Variants in COL14A1 observed in about 807,000 individuals in gnomAD.
COL14A1 encodes the protein collagen alpha-1(XIV) chain.
COL14A1 carries 136 observed loss-of-function variants against 230.3 expected under a neutral mutation model. The ratio of observed to expected loss-of-function variants is 0.59; its 90% CI spans 0.51 to 0.68. The LOEUF (loss-of-function observed/expected upper bound fraction) is 0.68, where lower values mean the gene tolerates loss of function less well. Among genes scored for constraint, COL14A1 ranks in the 30% least tolerant of loss-of-function variants. The pLI is 0.00. For synonymous variants in COL14A1, 792 were observed against 784.1 expected (o/e 1.01, Z -0.17); for missense variants, 1,976 against 2,215.8 (o/e 0.89, Z 2.17).
intron 19 of COL14A1, among the ~76,000 whole-genome samples, chr8:120,238,404 C>A (rs193206533): frequency 5.9e-5 from 9 of 152,298 alleles, no homozygotes; most frequent in Non-Finnish European, 1.0e-4. Flanking sequence ...TTTGTTTACA[C>A]TGTGAGGGGA....
At chr8:120,272,627 G>A (rs1417624481) in intron 26 of COL14A1, among the ~76,000 whole-genome samples, 1 of 151,362 alleles carries the variant, frequency 6.6e-6, no homozygotes, top group African/African-American at 2.4e-5. Context: ...GAAACCCAAA[G>A]CAAGCAGGAG....
chr8:120,150,127 G>A (rs754995304), intron 2 of COL14A1, among the ~76,000 whole-genome samples: 4 of 152,164 alleles, frequency 2.6e-5, no homozygotes, highest in Non-Finnish European at 4.4e-5. Context: ...GGGAGACAGG[G>A]CTGTAAGCAA....
chr8:120,132,226 A>G (rs1278244683), intron 1 of COL14A1, among the ~76,000 whole-genome samples: 1 of 151,958 alleles, frequency 6.6e-6, no homozygotes, highest in Non-Finnish European at 1.5e-5. Flanking sequence ...TTTTGAGTTA[A>G]TTTTCATATA....
chr8:120,219,755 G>A (rs1030208433), intron 14 of COL14A1, among the ~76,000 whole-genome samples: 9 of 152,116 alleles, frequency 5.9e-5, no homozygotes, highest in Admixed American at 5.9e-4. Flanking sequence ...AATAGCCCCA[G>A]ACTAACATGT....
Position 120,372,694 on chromosome 8 carries a change from C to T in COL14A1, c.*1463C>T, listed in dbSNP as rs540586634. Among the ~76,000 whole-genome samples, 16 of 152,122 alleles carry T rather than the reference C, an allele frequency of 1.1e-4. No individual in the cohort carries two copies. The highest frequency in any genetic ancestry group is 2.2e-4 in the African/African-American group (9 of 41,512). On this transcript the variant is annotated 3_prime_UTR_variant, in exon 48 of 48. Transcript: ENST00000297848. ...CACCAGGTTCTCTTTCTGTCCTTCT[C>T]ATAATCTCCTGATCTTTGGAGATGA...
At position 120,202,989 on chromosome 8, in the gene COL14A1, A is replaced by AATATATATATATATATATATAT. The variant is rs201356550; in HGVS notation, c.878-709_878-688dup. Among the ~76,000 whole-genome samples, 598 of 106,352 alleles carry AATATATATATATATATATATAT rather than the reference A, an allele frequency of 5.6e-3. 12 individuals are homozygous for AATATATATATATATATATATAT. The highest frequency in any genetic ancestry group is 8.2e-3 in the Non-Finnish European group (409 of 49,846). The allele number at this position is 106,352 out of a possible 152,430, so 69.8% of individuals were successfully genotyped here. On this transcript the variant is annotated intron_variant, in intron 8 of 47. Coordinates refer to ENST00000297848, the MANE Select transcript of COL14A1 (RefSeq NM_021110.4). ...ATGCTATACAATAATAATAATTTCA[A>AATATATATATATATATATATAT]ATATATATATATATATATATATATA...
At chr8:120,152,420 A>C (rs1033164005) in intron 2 of COL14A1, among the ~76,000 whole-genome samples, 2 of 141,574 alleles carry the variant, frequency 1.4e-5, no homozygotes, top group South Asian at 4.9e-4. Context: ...CAGTGAGCCG[A>C]GATCGCACCA....
chr8:120,341,181 A>C (rs1401735854), intron 42 of COL14A1, 144 bp from the exon 43 acceptor site: 1 of 778,496 alleles, frequency 1.3e-6, no homozygotes, highest in Non-Finnish European at 2.2e-6. Flanking sequence ...GTTGCTGTTT[A>C]TTTTCTGTTG....
rs1251241799 is a variant in COL14A1 at position 120,370,970 on chromosome 8, T to TC, written c.5312-181dup. 7 of 1,090,484 alleles carry TC rather than the reference T, an allele frequency of 6.4e-6. No homozygotes were observed. In the East Asian group the frequency reaches 1.8e-4, roughly 28 times the overall value. The allele number at this position is 1,090,484 out of a possible 1,614,324, so 67.6% of individuals were successfully genotyped here. ...CAATTTCTGTAATGTATCTTTCCCT[T>TC]CGTCTATTTACTAACTGTCTGAAAC... On this transcript the variant is annotated intron_variant, in intron 47 of 47. Coordinates refer to ENST00000297848, the MANE Select transcript of COL14A1 (RefSeq NM_021110.4).
At chr8:120,136,770 C>T (rs1033447297) in intron 1 of COL14A1, among the ~76,000 whole-genome samples, 1 of 151,678 alleles carries the variant, frequency 6.6e-6, no homozygotes, top group Non-Finnish European at 1.5e-5. Context: ...TCGAGACCAG[C>T]CTGGGCAACA....
chr8:120,366,320 A>G (rs1028070440), intron 45 of COL14A1, among the ~76,000 whole-genome samples: 2 of 152,250 alleles, frequency 1.3e-5, no homozygotes, highest in African/African-American at 4.8e-5. Flanking sequence ...CCAATTCAAC[A>G]TAATTTCTCA....
At chr8:120,315,482 G>A (rs745525078) in intron 38 of COL14A1, 51 bp from the exon 39 acceptor site, 13 of 1,449,754 alleles carry the variant, frequency 9.0e-6, no homozygotes, top group South Asian at 3.6e-5. Flanking sequence ...AAAAGAAAAC[G>A]CTAAGAATTT....
intron 19 of COL14A1, among the ~76,000 whole-genome samples, chr8:120,241,026 G>C (rs1298428294): frequency 6.6e-6 from 1 of 152,130 alleles, no homozygotes; most frequent in African/African-American, 2.4e-5. Flanking sequence ...ATTTTCTAGA[G>C]CCTCAGTGTA....
rs1197155222 is a variant in COL14A1 at position 120,216,386 on chromosome 8, A to G, written c.1633A>G (p.Asn545Asp). 4 of 1,613,448 alleles carry G rather than the reference A, an allele frequency of 2.5e-6. No individual in the cohort carries two copies. The highest frequency in any genetic ancestry group is 2.2e-5 in the South Asian group (2 of 90,908). Reference protein sequence around the residue: ...LSPPRNLRISNVGSNSARLTW... With the variant: ...LSPPRNLRISDVGSNSARLTW... ...TCCACCAAGAAACCTGAGAATCTCC[A>G]ATGTTGGCTCTAACAGTGCTCGATT... Residue 545 changes from asparagine to aspartate, a missense_variant, in exon 14 of 48, where the codon AAT becomes GAT. Physicochemically the swap from Asn to Asp is conservative, Grantham distance 23. This residue lies in a region of COL14A1 where 1,791 missense variants were observed against 2,019.5 expected (regional missense o/e 0.89). Transcript: ENST00000297848.
At chr8:120,149,576 A>G (rs1815204870) in intron 2 of COL14A1, among the ~76,000 whole-genome samples, 1 of 152,242 alleles carries the variant, frequency 6.6e-6, no homozygotes. Context: ...TCAGTCTAGC[A>G]TAATTCAGAA....
chr8:120,185,544 A>G (rs1816624677), intron 5 of COL14A1, among the ~76,000 whole-genome samples: 1 of 151,980 alleles, frequency 6.6e-6, no homozygotes, highest in African/African-American at 2.4e-5. Flanking sequence ...ATGTGTGCCT[A>G]TTGTTCCAGC....
intron 45 of COL14A1, among the ~76,000 whole-genome samples, chr8:120,360,912 G>A (rs1252226043): frequency 1.3e-5 from 2 of 152,114 alleles, no homozygotes; most frequent in Non-Finnish European, 2.9e-5. Flanking sequence ...GAGGAAGATT[G>A]GAGGGTACAA....
chr8:120,286,113 T>C, intron 33 of COL14A1, 143 bp downstream of exon 33: 1 of 602,340 alleles, frequency 1.7e-6, no homozygotes, highest in Non-Finnish European at 2.9e-6. Context: ...TACCTGTGCT[T>C]GTTAACAGAT....
At chr8:120,321,950 A>C (rs1343905040) in intron 40 of COL14A1, among the ~76,000 whole-genome samples, 1 of 152,140 alleles carries the variant, frequency 6.6e-6, no homozygotes, top group Non-Finnish European at 1.5e-5. Context: ...ATTGCTAGAT[A>C]GTATATTGTG....
Sources: allele counts gnomAD v4.1 joint callset (sites outside exome capture counted in the v4.1 genomes callset), GRCh38; gene constraint gnomAD v4.1.1; regional missense constraint gnomAD v4.1.1; transcripts MANE v1.5; gene names NCBI Gene and HGNC (gene_info 2026-07-23, HGNC 2026-07-21).